Variants in CADM1 observed in about 807,000 individuals in gnomAD.
The protein encoded by CADM1 is TSLC-1.
CADM1 carries 15 observed loss-of-function variants against 53.1 expected under a neutral mutation model. The ratio of observed to expected loss-of-function variants is 0.28; its 90% CI spans 0.19 to 0.44. The LOEUF is 0.44. Ranked by LOEUF, CADM1 falls within the 20% of genes least tolerant of loss-of-function variation. CADM1 has a pLI of 1.00. For synonymous variants in CADM1, 281 were observed against 243.0 expected (o/e 1.16, Z -1.45); for missense variants, 434 against 611.3 (o/e 0.71, Z 3.06).
chr11:115,404,346 A>ATATATATATAT (rs1209266332), intron 1 of CADM1, among the ~76,000 whole-genome samples: 1 of 33,784 alleles, frequency 3.0e-5, no homozygotes, highest in Non-Finnish European at 4.9e-5. Flanking sequence ...AAAAAAAAAA[A>ATATATATATAT]ATATATATAT....
chr11:115,237,323 C>T (rs1385142919), intron 3 of CADM1, among the ~76,000 whole-genome samples: 1 of 152,124 alleles, frequency 6.6e-6, no homozygotes, highest in African/African-American at 2.4e-5. Context: ...TAAACACAGA[C>T]CAGATTAGAA....
intron 1 of CADM1, among the ~76,000 whole-genome samples, chr11:115,333,102 C>T (rs535428572): frequency 6.6e-6 from 1 of 152,178 alleles, no homozygotes; most frequent in African/African-American, 2.4e-5. Context: ...TTAGCAAATT[C>T]CTCCCCTCTT....
chr11:115,349,607 G>A (rs140058436), intron 1 of CADM1, among the ~76,000 whole-genome samples: 26 of 152,248 alleles, frequency 1.7e-4, no homozygotes, highest in Non-Finnish European at 2.6e-4. Flanking sequence ...CTTTCATTCC[G>A]AAGCCAGATT....
intron 8 of CADM1, among the ~76,000 whole-genome samples, chr11:115,204,249 C>G (rs1940573101): frequency 6.6e-6 from 1 of 152,136 alleles, no homozygotes; most frequent in African/African-American, 2.4e-5. Context: ...TCCAAAATGC[C>G]ATCCTTTCTT....
At chr11:115,260,972 C>T (rs552132362) in intron 1 of CADM1, among the ~76,000 whole-genome samples, 27 of 152,266 alleles carry the variant, frequency 1.8e-4, no homozygotes, top group African/African-American at 5.3e-4. Flanking sequence ...CCATGCCCAT[C>T]CTACCTCCAG....
In CADM1 at chr11:115,381,014, T is replaced by C. The variant is rs1223679809; in HGVS notation, c.124+123257A>G. ...CATACAAACCTTAAAAATAAGGTGG[T>C]AACAGGCCAGGCAAGGTGGCTCATG... On this transcript the variant is annotated intron_variant, in intron 1 of 11. Coordinates refer to ENST00000331581, the MANE Select transcript of CADM1 (RefSeq NM_001301043.2). Among the ~76,000 whole-genome samples the C allele has an allele frequency of 2.0e-5, 3 of 151,970 alleles. No individual in the cohort carries two copies. The East Asian group carries it at 5.8e-4, about 29-fold the overall frequency.
At chr11:115,250,812 G>T (rs530879778) in intron 1 of CADM1, among the ~76,000 whole-genome samples, 43 of 152,276 alleles carry the variant, frequency 2.8e-4, no homozygotes, top group Non-Finnish European at 4.7e-4. Flanking sequence ...AGACAAGGAA[G>T]CTAAGATTTA....
intron 1 of CADM1, among the ~76,000 whole-genome samples, chr11:115,251,132 T>C: frequency 6.6e-6 from 1 of 152,166 alleles, no homozygotes; most frequent in East Asian, 1.9e-4. Flanking sequence ...TCTTTAGTAT[T>C]TAGAGAGGAG....
chr11:115,237,629 T>C (rs1360464855), intron 3 of CADM1, among the ~76,000 whole-genome samples: 1 of 152,212 alleles, frequency 6.6e-6, no homozygotes, highest in African/African-American at 2.4e-5. Context: ...ATTCATCATC[T>C]TCCCGAAGGT....
chr11:115,220,520 T>G (rs1056518281), intron 5 of CADM1, among the ~76,000 whole-genome samples: 1 of 152,226 alleles, frequency 6.6e-6, no homozygotes, highest in Non-Finnish European at 1.5e-5. Flanking sequence ...TACTATCTAC[T>G]TATGGCTACA....
At chr11:115,266,853 G>T (rs1385732594) in intron 1 of CADM1, among the ~76,000 whole-genome samples, 1 of 152,188 alleles carries the variant, frequency 6.6e-6, no homozygotes, top group East Asian at 1.9e-4. Context: ...TCTGAAACCT[G>T]CCTTTGCATT....
intron 1 of CADM1, among the ~76,000 whole-genome samples, chr11:115,436,006 C>G (rs1403649414): frequency 6.6e-6 from 1 of 152,184 alleles, no homozygotes; most frequent in African/African-American, 2.4e-5. Flanking sequence ...CATGGTATTA[C>G]TTGAGTATCT....
intron 1 of CADM1, among the ~76,000 whole-genome samples, chr11:115,417,618 C>A (rs1947631983): frequency 6.6e-6 from 1 of 152,150 alleles, no homozygotes; most frequent in Non-Finnish European, 1.5e-5. Context: ...TAGTGAGAGA[C>A]CACCAGGCAG....
intron 8 of CADM1, among the ~76,000 whole-genome samples, chr11:115,206,357 T>C (rs1940677592): frequency 6.6e-6 from 1 of 152,132 alleles, no homozygotes; most frequent in Non-Finnish European, 1.5e-5. Flanking sequence ...ACCTGCTCCG[T>C]GTAGGGTAAG....
chr11:115,348,690 A>T (rs1444742055), intron 1 of CADM1, among the ~76,000 whole-genome samples: 1 of 152,212 alleles, frequency 6.6e-6, no homozygotes, highest in African/African-American at 2.4e-5. Flanking sequence ...TGCCACTGAG[A>T]CGCAAGGCCC....
intron 1 of CADM1, among the ~76,000 whole-genome samples, chr11:115,430,324 ATCTT>A (rs973253512): frequency 6.3e-4 from 96 of 152,174 alleles, no homozygotes; most frequent in African/African-American, 2.2e-3. Context: ...GATCCTGACA[ATCTT>A]TATTTATTTA....
At chr11:115,238,125 G>A (rs1267018727) in intron 3 of CADM1, among the ~76,000 whole-genome samples, 3 of 152,156 alleles carry the variant, frequency 2.0e-5, no homozygotes, top group Non-Finnish European at 2.9e-5. Flanking sequence ...TCATAACTGA[G>A]CTCTGCCATG....
chr11:115,393,858 G>C (rs1319526276), intron 1 of CADM1, among the ~76,000 whole-genome samples: 1 of 151,966 alleles, frequency 6.6e-6, no homozygotes, highest in African/African-American at 2.4e-5. Context: ...GATAATAAAT[G>C]GACTTTTCAA....
At chr11:115,223,136 A>AT (rs1405739036) in intron 5 of CADM1, among the ~76,000 whole-genome samples, 9 of 152,178 alleles carry the variant, frequency 5.9e-5, no homozygotes, top group African/African-American at 2.2e-4. Flanking sequence ...TTTACTACTG[A>AT]TTAAAAAATA....
Sources: allele counts gnomAD v4.1 joint callset (sites outside exome capture counted in the v4.1 genomes callset), GRCh38; gene constraint gnomAD v4.1.1; transcripts MANE v1.5; gene names NCBI Gene and HGNC (gene_info 2026-07-23, HGNC 2026-07-21).